Variants in STK4 observed in about 807,000 individuals in gnomAD.
STK4 encodes serine/threonine kinase 4, also known as serine/threonine-protein kinase 4.
Under a neutral mutation model 64.9 loss-of-function variants are expected in STK4, and 30 were observed. That is an observed-to-expected ratio of 0.46 (90% CI 0.35 to 0.63). The LOEUF is 0.63. Among genes scored for constraint, STK4 ranks in the 20% least tolerant of loss-of-function variants. The pLI is 0.01. For synonymous variants in STK4, 177 were observed against 199.0 expected, an observed-to-expected ratio of 0.89 and a Z score of 0.93; for missense variants, 466 against 598.5, an observed-to-expected ratio of 0.78 and a Z score of 2.31.
chr20:45,014,984 A>G (rs1601274445), intron 9 of STK4, among the ~76,000 whole-genome samples: 1 of 152,226 alleles, frequency 6.6e-6, no homozygotes, highest in African/African-American at 2.4e-5. Flanking sequence ...TCCCAGAGCA[A>G]CAGCCACATT....
At chr20:45,018,712 T>C (rs1316179431) in intron 9 of STK4, among the ~76,000 whole-genome samples, 1 of 151,732 alleles carries the variant, frequency 6.6e-6, no homozygotes, top group East Asian at 1.9e-4. Flanking sequence ...TCTATCTAAT[T>C]TTTAAAGTTC....
chr20:45,035,324 A>G (rs938453738), intron 10 of STK4, among the ~76,000 whole-genome samples: 1 of 152,196 alleles, frequency 6.6e-6, no homozygotes, highest in Admixed American at 6.6e-5. Context: ...TAAATAGAGC[A>G]AGATACATTT....
At chr20:45,044,268 G>A (rs2068658600) in intron 10 of STK4, among the ~76,000 whole-genome samples, 1 of 152,140 alleles carries the variant, frequency 6.6e-6, no homozygotes, top group Admixed American at 6.5e-5. Context: ...CTTCTTGAGT[G>A]CACAATCTCC....
chr20:45,066,316 A>G (rs1979574851), intron 10 of STK4, among the ~76,000 whole-genome samples: 1 of 152,178 alleles, frequency 6.6e-6, no homozygotes, highest in South Asian at 2.1e-4. Context: ...ATCACAAAAA[A>G]CTAACAGTAT....
rs1432441988 is a variant in STK4 at position 45,041,391 on chromosome 20, TTC to T, written c.1305+16265_1305+16266del. On this transcript the variant is annotated intron_variant, in intron 10 of 10. Transcript: ENST00000372806. The stretch of plus-strand genomic sequence containing the variant: ...TAACAGTAGTGTCCTGTCCATACTT[TTC>T]TCTGTTTGTTTTTTGTTAATTATAT... Among the ~76,000 whole-genome samples the T allele has an allele frequency of 3.9e-5, 6 of 152,166 alleles. No individual in the cohort carries two copies. The South Asian group carries it at 1.0e-3, about 26-fold the overall frequency.
At chr20:44,987,422 C>T in intron 5 of STK4, 126 bp downstream of exon 5, 1 of 940,564 alleles carries the variant, frequency 1.1e-6, no homozygotes, top group South Asian at 1.8e-5. Flanking sequence ...ACAGAATCTG[C>T]CAATAGGTTA....
At chr20:45,003,288 C>A (rs1215932935) in intron 9 of STK4, among the ~76,000 whole-genome samples, 2 of 152,104 alleles carry the variant, frequency 1.3e-5, no homozygotes, top group Admixed American at 1.3e-4. Context: ...AGGTGTGAGC[C>A]ACCTCTCCTG....
chr20:45,043,395 G>T (rs2068643904), intron 10 of STK4, among the ~76,000 whole-genome samples: 1 of 152,136 alleles, frequency 6.6e-6, no homozygotes, highest in South Asian at 2.1e-4. Context: ...CAGTAGATTT[G>T]GTAGTTAAGA....
At chr20:45,071,536 C>T (rs1168446220) in intron 10 of STK4, among the ~76,000 whole-genome samples, 1 of 152,118 alleles carries the variant, frequency 6.6e-6, no homozygotes, top group African/African-American at 2.4e-5. Flanking sequence ...ATAAATTAGT[C>T]TGAAGGTGGC....
At chr20:45,041,207 G>A (rs1036291762) in intron 10 of STK4, among the ~76,000 whole-genome samples, 4 of 151,910 alleles carry the variant, frequency 2.6e-5, no homozygotes, top group African/African-American at 9.7e-5. Flanking sequence ...GTTCCAAGGG[G>A]CAAGTCTACA....
At chr20:45,011,451 T>C (rs565725847) in intron 9 of STK4, among the ~76,000 whole-genome samples, 1 of 152,070 alleles carries the variant, frequency 6.6e-6, no homozygotes, top group African/African-American at 2.4e-5. Flanking sequence ...AGTTGGGAGA[T>C]TGGATACCTC....
At chr20:44,981,407 G>A (rs892897395) in intron 3 of STK4, among the ~76,000 whole-genome samples, 1 of 151,906 alleles carries the variant, frequency 6.6e-6, no homozygotes, top group African/African-American at 2.4e-5. Context: ...CGCCCGCATC[G>A]GCCTCCCAAA....
chr20:45,045,174 A>G (rs2068673714), intron 10 of STK4, among the ~76,000 whole-genome samples: 1 of 152,250 alleles, frequency 6.6e-6, no homozygotes, highest in Non-Finnish European at 1.5e-5. Context: ...TGATGATAGT[A>G]ACATTATCAC....
chr20:45,031,892 G>A (rs1000761416), intron 10 of STK4, among the ~76,000 whole-genome samples: 11 of 122,244 alleles, frequency 9.0e-5, no homozygotes, highest in Admixed American at 2.9e-4. Flanking sequence ...CTGACACAGC[G>A]AGACTTCATC....
At position 44,988,533 on chromosome 20, in the gene STK4, G is replaced by GTGTATATATATATA. The variant is rs1221720136; in HGVS notation, c.525+1238_525+1239insGTATATATATATAT. Among the ~76,000 whole-genome samples, 242 of 101,514 alleles carry GTGTATATATATATA rather than the reference G, an allele frequency of 2.4e-3. 3 individuals are homozygous for GTGTATATATATATA. The highest frequency in any genetic ancestry group is 9.6e-3 in the African/African-American group (201 of 20,984). The allele number at this position is 101,514 out of a possible 152,430, so 66.6% of individuals were successfully genotyped here. The stretch of plus-strand genomic sequence containing the variant: ...TGTGTGTGTATATATATGTGTGTGT[G>GTGTATATATATATA]TATATATATATATATATATATATAT... On this transcript the variant is annotated intron_variant, in intron 5 of 10. Transcript: ENST00000372806.
Position 45,001,356 on chromosome 20 carries a change from A to G in STK4, c.1147+3A>G. ...GGAAGAGGAAGGAACTATGAAAAGTAAGGCTCTGAGTAAATTCACTGACTT... is the reference window on the plus strand; with the variant it reads ...GGAAGAGGAAGGAACTATGAAAAGTGAGGCTCTGAGTAAATTCACTGACTT... On this transcript the variant is annotated splice_donor_region_variant and intron_variant, in intron 9 of 10. Transcript: ENST00000372806. The G allele has an allele frequency of 6.2e-7, 1 of 1,605,184 alleles. No individual in the cohort carries two copies. Among genetic ancestry groups the G allele is most frequent in the Non-Finnish European group, 8.5e-7 (1 of 1,172,692 alleles).
chr20:45,071,349 A>G (rs1354911523), intron 10 of STK4, among the ~76,000 whole-genome samples: 1 of 152,224 alleles, frequency 6.6e-6, no homozygotes, highest in African/African-American at 2.4e-5. Context: ...AAATGTATTT[A>G]TGCCACCAAG....
chr20:44,998,682 G>A (rs1014651290), intron 7 of STK4, among the ~76,000 whole-genome samples: 1 of 152,094 alleles, frequency 6.6e-6, no homozygotes, highest in Non-Finnish European at 1.5e-5. Context: ...GGCTTTCAAC[G>A]TGCAGTTACT....
At chr20:45,011,898 C>T (rs1264048831) in intron 9 of STK4, among the ~76,000 whole-genome samples, 1 of 151,184 alleles carries the variant, frequency 6.6e-6, no homozygotes, top group Admixed American at 6.6e-5. Flanking sequence ...AGACTTGCTT[C>T]CTCCCTCTAT....
Sources: gnomAD v4.1 joint callset for allele counts (sites outside exome capture counted in the v4.1 genomes callset) on GRCh38, gnomAD v4.1.1 for gene constraint, MANE v1.5 for transcripts, NCBI Gene and HGNC (gene_info 2026-07-23, HGNC 2026-07-21) for gene names.